The following CSGALNACT1 variants were observed in gnomAD, a reference collection of about 807,000 sequenced individuals.
CSGALNACT1 encodes the protein chondroitin sulfate N-acetylgalactosaminyltransferase 1.
CSGALNACT1 carries 52 observed loss-of-function variants against 51.0 expected under a neutral mutation model. That is an observed-to-expected ratio of 1.02 (90% CI 0.82 to 1.29). The LOEUF is 1.29. CSGALNACT1 is among the 50% of genes most tolerant of loss of function. The probability of loss-of-function intolerance (pLI) is 0.00; values close to 1 mark genes in which losing one functional copy is unlikely to be tolerated. For missense variants in CSGALNACT1, 935 were observed against 679.2 expected (o/e 1.38, Z -4.19); for synonymous variants, 341 against 254.4 (o/e 1.34, Z -3.24).
rs372233360 is a variant in CSGALNACT1, at chr8:19,458,535, T to C, written c.742A>G (p.Ile248Val). 1.5e-4 allele frequency: 240 copies of C among 1,614,116 alleles called. No individual in the cohort carries two copies. Among genetic ancestry groups the C allele is most frequent in the Non-Finnish European group, 1.9e-4 (225 of 1,180,054 alleles). The change falls in exon 5 of 10, where the codon ATC (isoleucine) becomes GTC (valine). Residue 248 changes from isoleucine to valine, a missense_variant. By Grantham distance (29) the Ile-to-Val change is conservative (BLOSUM62 3). Transcript: ENST00000454498. ...AGCTTTTCATTTTTCACTTTCATGATGGGGCCGAATGGTCGAAATAAGATG... is the reference window on the plus strand; with the variant it reads ...AGCTTTTCATTTTTCACTTTCATGACGGGGCCGAATGGTCGAAATAAGATG...
At chr8:19,669,606 C>T (rs901898048) in intron 1 of CSGALNACT1, among the ~76,000 whole-genome samples, 1 of 152,074 alleles carries the variant, frequency 6.6e-6, no homozygotes, top group African/African-American at 2.4e-5. Flanking sequence ...GTGCCTGCCA[C>T]CATGCCTGGC....
At chr8:19,586,616 C>A (rs2046713395) in intron 3 of CSGALNACT1, among the ~76,000 whole-genome samples, 2 of 152,092 alleles carry the variant, frequency 1.3e-5, no homozygotes, top group African/African-American at 4.8e-5. Flanking sequence ...GTGAGAAACA[C>A]TGGCTTAGTC....
At chr8:19,435,087 T>C (rs932906532) in intron 6 of CSGALNACT1, among the ~76,000 whole-genome samples, 3 of 152,164 alleles carry the variant, frequency 2.0e-5, no homozygotes, top group Non-Finnish European at 4.4e-5. Context: ...ATCTCAGAGA[T>C]GATTCCTCTG....
chr8:19,667,684 A>C (rs899142065), intron 1 of CSGALNACT1, among the ~76,000 whole-genome samples: 1 of 152,234 alleles, frequency 6.6e-6, no homozygotes, highest in African/African-American at 2.4e-5. Context: ...TCCTCAGATC[A>C]GGAGAGCTTT....
chr8:19,683,138 G>C (rs1589495695), upstream of CSGALNACT1: 1 of 212,236 alleles, frequency 4.7e-6, no homozygotes. Flanking sequence ...GTTAGGATTT[G>C]ATCTGTGCTA....
intron 1 of CSGALNACT1, among the ~76,000 whole-genome samples, chr8:19,627,464 G>A (rs1328044793): frequency 6.6e-6 from 1 of 152,100 alleles, no homozygotes; most frequent in Non-Finnish European, 1.5e-5. Flanking sequence ...TACTCTGGCA[G>A]TAGTTACACA....
At chr8:19,480,800 G>A (rs1042970036) in intron 4 of CSGALNACT1, among the ~76,000 whole-genome samples, 8 of 152,140 alleles carry the variant, frequency 5.3e-5, no homozygotes, top group Non-Finnish European at 7.3e-5. Flanking sequence ...CCAGCAGTGA[G>A]TTGCCTTTAA....
intron 3 of CSGALNACT1, among the ~76,000 whole-genome samples, chr8:19,507,447 G>C (rs1361375286): frequency 7.1e-6 from 1 of 141,096 alleles, no homozygotes; most frequent in Non-Finnish European, 1.5e-5. Context: ...ACTCATCATG[G>C]ACATTTCCAC....
intron 2 of CSGALNACT1, among the ~76,000 whole-genome samples, chr8:19,593,734 C>T (rs967058751): frequency 6.6e-6 from 1 of 152,164 alleles, no homozygotes; most frequent in Non-Finnish European, 1.5e-5. Flanking sequence ...CTGTGCAGCT[C>T]CTCTCATTCT....
intron 1 of CSGALNACT1, among the ~76,000 whole-genome samples, chr8:19,720,299 C>T (rs527677450): frequency 1.8e-3 from 268 of 152,248 alleles, no homozygotes; most frequent in African/African-American, 6.2e-3. Context: ...ATAAATAAGA[C>T]GCGATCCCAG....
intron 6 of CSGALNACT1, among the ~76,000 whole-genome samples, chr8:19,430,352 C>T (rs2059466788): frequency 1.3e-5 from 2 of 152,116 alleles, no homozygotes; most frequent in African/African-American, 4.8e-5. Flanking sequence ...GTCGTTGATC[C>T]ATTTTGACTT....
At chr8:19,488,859 C>G (rs187370414) in intron 4 of CSGALNACT1, among the ~76,000 whole-genome samples, 1 of 152,284 alleles carries the variant, frequency 6.6e-6, no homozygotes, top group Admixed American at 6.5e-5. Flanking sequence ...GAAGAGAAGA[C>G]AACAGCATCG....
chr8:19,608,687 G>T (rs2051748630), intron 1 of CSGALNACT1, among the ~76,000 whole-genome samples: 1 of 152,234 alleles, frequency 6.6e-6, no homozygotes, highest in East Asian at 1.9e-4. Flanking sequence ...TGTTTTCTCT[G>T]GCTTCTTTAC....
intron 3 of CSGALNACT1, among the ~76,000 whole-genome samples, chr8:19,514,602 C>T (rs1441307461): frequency 3.4e-5 from 5 of 148,070 alleles, no homozygotes; most frequent in Non-Finnish European, 5.9e-5. Flanking sequence ...GGGCAGATCC[C>T]TTGAGGTTAG....
At chr8:19,469,192 G>T (rs1232806069) in intron 4 of CSGALNACT1, among the ~76,000 whole-genome samples, 1 of 152,136 alleles carries the variant, frequency 6.6e-6, no homozygotes, top group African/African-American at 2.4e-5. Flanking sequence ...GAGTTCGAGA[G>T]CAGTCTGGGA....
At chr8:19,621,431 G>A (rs2053812757) in intron 1 of CSGALNACT1, among the ~76,000 whole-genome samples, 1 of 152,046 alleles carries the variant, frequency 6.6e-6, no homozygotes, top group Non-Finnish European at 1.5e-5. Flanking sequence ...GTTTGCATAT[G>A]AACAAGTGTA....
intron 5 of CSGALNACT1, among the ~76,000 whole-genome samples, chr8:19,451,674 G>C (rs1586312718): frequency 6.6e-6 from 1 of 152,286 alleles, no homozygotes; most frequent in East Asian, 1.9e-4. Flanking sequence ...TGTGACCAGG[G>C]CTGCTCTTTC....
At chr8:19,510,222 A>G (rs1163291588) in intron 3 of CSGALNACT1, among the ~76,000 whole-genome samples, 1 of 152,178 alleles carries the variant, frequency 6.6e-6, no homozygotes, top group African/African-American at 2.4e-5. Flanking sequence ...CTTGATTAGA[A>G]TGAAGGAGAT....
intron 3 of CSGALNACT1, among the ~76,000 whole-genome samples, chr8:19,559,329 C>T (rs560350261): frequency 2.0e-5 from 3 of 152,296 alleles, no homozygotes; most frequent in African/African-American, 4.8e-5. Context: ...AAGGTCACTT[C>T]TTTCCCATTA....
Sources: allele counts gnomAD v4.1 joint callset (sites outside exome capture counted in the v4.1 genomes callset), GRCh38; gene constraint gnomAD v4.1.1; transcripts MANE v1.5; gene names NCBI Gene and HGNC (gene_info 2026-07-23, HGNC 2026-07-21).